Variants in NAALADL2 observed in about 807,000 individuals in gnomAD.
The protein encoded by NAALADL2 is N-acetylated alpha-linked acidic dipeptidase like 2, also known as inactive N-acetylated-alpha-linked acidic dipeptidase-like protein 2.
Under a neutral mutation model 87.2 loss-of-function variants are expected in NAALADL2, and 76 were observed. That is an observed-to-expected ratio of 0.87 (90% CI 0.72 to 1.05). NAALADL2 has a LOEUF of 1.05. Among genes scored for constraint, NAALADL2 ranks in the 50% least tolerant of loss-of-function variants. The probability of loss-of-function intolerance (pLI) is 0.00; values close to 1 mark genes in which losing one functional copy is unlikely to be tolerated. For missense variants in NAALADL2, 1,089 were observed against 945.8 expected (o/e 1.15, Z -1.99); for synonymous variants, 354 against 331.0 (o/e 1.07, Z -0.75).
intron 1 of NAALADL2, among the ~76,000 whole-genome samples, chr3:175,027,529 A>T (rs990562347): frequency 1.6e-4 from 25 of 152,174 alleles, no homozygotes; most frequent in African/African-American, 6.0e-4. Flanking sequence ...TTTAAATTAC[A>T]AAATTAGCTC....
intron 6 of NAALADL2, among the ~76,000 whole-genome samples, chr3:175,453,174 C>G (rs1721828583): frequency 6.6e-6 from 1 of 152,072 alleles, no homozygotes; most frequent in South Asian, 2.1e-4. Context: ...TTTTCAAATA[C>G]CTGTCACTTT....
At chr3:174,488,891 A>G (rs897421251) in intron 1 of NAALADL2, among the ~76,000 whole-genome samples, 1 of 152,086 alleles carries the variant, frequency 6.6e-6, no homozygotes, top group Non-Finnish European at 1.5e-5. Context: ...AAATCTTTCC[A>G]TAGCCACCTA....
At chr3:175,153,149 T>G (rs1731798232) in intron 2 of NAALADL2, among the ~76,000 whole-genome samples, 2 of 152,142 alleles carry the variant, frequency 1.3e-5, no homozygotes, top group South Asian at 4.1e-4. Context: ...CTCTTAAAGA[T>G]CTACCTCTGA....
At chr3:174,495,737 G>C (rs149132050) in intron 1 of NAALADL2, among the ~76,000 whole-genome samples, 21 of 116,460 alleles carry the variant, frequency 1.8e-4, no homozygotes, top group South Asian at 1.3e-3. Context: ...GTACTTAATA[G>C]ACTTCTTGGT....
At chr3:174,826,050 A>AACAACG (rs1553866210) in intron 3 of NAALADL2, among the ~76,000 whole-genome samples, 12 of 147,734 alleles carry the variant, frequency 8.1e-5, no homozygotes, top group Non-Finnish European at 1.2e-4. Flanking sequence ...CAACAACAAC[A>AACAACG]ACGACAACAA....
At chr3:175,197,947 G>C (rs980504410) in intron 2 of NAALADL2, among the ~76,000 whole-genome samples, 2 of 152,048 alleles carry the variant, frequency 1.3e-5, no homozygotes, top group Admixed American at 6.6e-5. Flanking sequence ...TTAGATGTTT[G>C]TGGGAAAGTA....
intron 1 of NAALADL2, among the ~76,000 whole-genome samples, chr3:174,501,142 G>C (rs1415637449): frequency 7.3e-6 from 1 of 137,110 alleles, no homozygotes; most frequent in Admixed American, 6.9e-5. Context: ...GCAGTGGCGG[G>C]ATCTCGGCTC....
chr3:175,590,965 C>G (rs1387179168), intron 10 of NAALADL2, among the ~76,000 whole-genome samples: 1 of 152,080 alleles, frequency 6.6e-6, no homozygotes, highest in Non-Finnish European at 1.5e-5. Context: ...GATTAATGTT[C>G]CTGTCTAGTG....
At chr3:175,165,500 A>G (rs1486161136) in intron 2 of NAALADL2, among the ~76,000 whole-genome samples, 1 of 152,200 alleles carries the variant, frequency 6.6e-6, no homozygotes, top group Non-Finnish European at 1.5e-5. Flanking sequence ...AGTTAATAAA[A>G]TCATGGACTT....
At chr3:175,380,346 T>C (rs1767651267) in intron 5 of NAALADL2, among the ~76,000 whole-genome samples, 1 of 152,188 alleles carries the variant, frequency 6.6e-6, no homozygotes, top group Non-Finnish European at 1.5e-5. Flanking sequence ...GTTATATGTA[T>C]TTTTCTCTCT....
chr3:174,682,498 G>T (rs1235315715), intron 2 of NAALADL2, among the ~76,000 whole-genome samples: 3 of 152,168 alleles, frequency 2.0e-5, no homozygotes, highest in African/African-American at 4.8e-5. Flanking sequence ...AGTCCCAGTT[G>T]TGGTGGCCAC....
intron 4 of NAALADL2, among the ~76,000 whole-genome samples, chr3:175,320,509 G>C (rs183913739): frequency 8.5e-4 from 129 of 152,270 alleles, no homozygotes; most frequent in Non-Finnish European, 1.6e-3. Flanking sequence ...CAGAGACCAA[G>C]ATGACTAGTA....
intron 6 of NAALADL2, among the ~76,000 whole-genome samples, chr3:175,457,674 A>G (rs1722520261): frequency 7.0e-6 from 1 of 143,086 alleles, no homozygotes; most frequent in Admixed American, 7.5e-5. Context: ...ATGCACCACC[A>G]TGTCTGGCTA....
intron 1 of NAALADL2, among the ~76,000 whole-genome samples, chr3:175,082,997 C>G (rs1170606404): frequency 6.6e-6 from 1 of 152,170 alleles, no homozygotes; most frequent in Admixed American, 6.5e-5. Context: ...TTCACATTAT[C>G]CCCCTTGAGA....
chr3:175,323,411 C>T (rs567048913), intron 4 of NAALADL2, among the ~76,000 whole-genome samples: 6 of 149,744 alleles, frequency 4.0e-5, no homozygotes, highest in African/African-American at 1.2e-4. Context: ...GTGGGTGCAG[C>T]GCAGCAGCAT....
intron 1 of NAALADL2, among the ~76,000 whole-genome samples, chr3:174,938,963 C>T (rs193028118): frequency 5.9e-4 from 90 of 151,846 alleles, no homozygotes; most frequent in African/African-American, 2.0e-3. Flanking sequence ...TTCTCCCATT[C>T]TGTAGGTTGT....
chr3:175,594,834 A>G (rs1211178575), intron 10 of NAALADL2, among the ~76,000 whole-genome samples: 2 of 151,960 alleles, frequency 1.3e-5, no homozygotes, highest in Non-Finnish European at 2.9e-5. Flanking sequence ...CCATTTGCCC[A>G]TTTTTTAATG....
intron 13 of NAALADL2, among the ~76,000 whole-genome samples, chr3:175,784,097 C>G (rs1489481340): frequency 6.7e-6 from 1 of 149,760 alleles, no homozygotes; most frequent in Non-Finnish European, 1.5e-5. Context: ...CTGCTGGATT[C>G]GTTTTGCCAG....
At chr3:175,497,949 A>G (rs1217217805) in intron 9 of NAALADL2, among the ~76,000 whole-genome samples, 2 of 152,092 alleles carry the variant, frequency 1.3e-5, no homozygotes, top group Non-Finnish European at 2.9e-5. Context: ...AAACCACTCA[A>G]TTAATGTTAG....
Sources: allele counts gnomAD v4.1 joint callset (sites outside exome capture counted in the v4.1 genomes callset), GRCh38; gene constraint gnomAD v4.1.1; transcripts MANE v1.5; gene names NCBI Gene and HGNC (gene_info 2026-07-23, HGNC 2026-07-21).